The following SNX8 variants were observed in gnomAD, a reference collection of about 807,000 sequenced individuals.
The protein encoded by SNX8 is sorting nexin-8.
SNX8 carries 25 observed loss-of-function variants against 51.6 expected under a neutral mutation model. The observed-to-expected ratio is 0.48, with a 90% CI of 0.35 to 0.68. The LOEUF is 0.68. SNX8 is among the 30% of genes least tolerant of loss of function. The probability of loss-of-function intolerance (pLI) is 0.00; values close to 1 mark genes in which losing one functional copy is unlikely to be tolerated. For synonymous variants in SNX8, 324 were observed against 277.0 expected (o/e 1.17, Z -1.68); for missense variants, 695 against 624.0 (o/e 1.11, Z -1.21).
chr7:2,258,639 G>C (rs1795257218), intron 7 of SNX8, among the ~76,000 whole-genome samples: 1 of 152,206 alleles, frequency 6.6e-6, no homozygotes, highest in Non-Finnish European at 1.5e-5. Flanking sequence ...AGGGGGCACA[G>C]GGAAGGGGGC....
chr7:2,261,044 G>A (rs1795322694), intron 7 of SNX8, among the ~76,000 whole-genome samples: 1 of 152,244 alleles, frequency 6.6e-6, no homozygotes, highest in South Asian at 2.1e-4. Flanking sequence ...TGCTGAAGAG[G>A]GAGTGGAATG....
chr7:2,303,678 C>A (rs1796470813), intron 1 of SNX8, among the ~76,000 whole-genome samples: 2 of 152,156 alleles, frequency 1.3e-5, no homozygotes, highest in Admixed American at 1.3e-4. Context: ...CTCTCTGAAA[C>A]ATGTGCTGTG....
intron 1 of SNX8, among the ~76,000 whole-genome samples, chr7:2,337,688 A>G (rs1480748032): frequency 6.6e-6 from 1 of 152,082 alleles, no homozygotes; most frequent in Non-Finnish European, 1.5e-5. Flanking sequence ...AGAAAACATG[A>G]AAGATTGAGA....
At position 2,334,869 on chromosome 7, in the gene SNX8, GAAAAAAAAAAAAA is replaced by G. The variant is rs71023399; in HGVS notation, c.-66+19340_-66+19352del. Among the ~76,000 whole-genome samples, 8 of 80,106 alleles carry G rather than the reference GAAAAAAAAAAAAA, an allele frequency of 1.0e-4. No individual in the cohort carries two copies. The East Asian group carries it at 1.3e-3, about 13-fold the overall frequency. 52.6% of individuals were successfully genotyped at this position (80,106 alleles called of 152,430 possible). On this transcript the variant is annotated intron_variant, in intron 1 of 5. Transcript: ENST00000435336. ...GGCAACAGAGTAAGAGCCCATCTCT[GAAAAAAAAAAAAA>G]AAAAAAAAAAAAAAAGACTTGTTCA...
chr7:2,272,061 G>GTGGCAGAGGGCCCAGCGGC, intron 3 of SNX8, 90 bp from the exon 4 acceptor site: 5 of 1,555,172 alleles, frequency 3.2e-6, no homozygotes, highest in African/African-American at 2.7e-5. Context: ...CTCCCTAGAG[G>GTGGCAGAGGGCCCAGCGGC]TGGCAGAGGG....
chr7:2,297,365 AC>A (rs1320650763), intron 1 of SNX8, among the ~76,000 whole-genome samples: 1 of 151,668 alleles, frequency 6.6e-6, no homozygotes, highest in Non-Finnish European at 1.5e-5. Context: ...AGCCTGGCCA[AC>A]ATGGTGAAAC....
chr7:2,311,265 C>T (rs1796652471), intron 1 of SNX8, among the ~76,000 whole-genome samples: 1 of 152,198 alleles, frequency 6.6e-6, no homozygotes, highest in Non-Finnish European at 1.5e-5. Flanking sequence ...AGAGGAAATT[C>T]ACTGTATACC....
upstream of SNX8, among the ~76,000 whole-genome samples, chr7:2,316,004 C>G (rs549743546): frequency 1.3e-5 from 2 of 150,444 alleles, no homozygotes; most frequent in Non-Finnish European, 3.0e-5. Context: ...CTCACTGCAT[C>G]CTGCATTCAT....
chr7:2,272,307 C>T (rs1795667846), intron 3 of SNX8, among the ~76,000 whole-genome samples: 1 of 152,190 alleles, frequency 6.6e-6, no homozygotes, highest in Admixed American at 6.5e-5. Context: ...TAATCCCCTC[C>T]TGGCACTTCT....
chr7:2,286,081 G>T (rs574352513), intron 1 of SNX8, among the ~76,000 whole-genome samples: 1 of 150,166 alleles, frequency 6.7e-6, no homozygotes, highest in Non-Finnish European at 1.5e-5. Flanking sequence ...GCGCTATCTC[G>T]GCTCACTGCA....
intron 1 of SNX8, among the ~76,000 whole-genome samples, chr7:2,333,011 A>G (rs1778767162): frequency 6.6e-6 from 1 of 152,040 alleles, no homozygotes; most frequent in Non-Finnish European, 1.5e-5. Context: ...GGCTACACCT[A>G]TAGTCCCAAC....
chr7:2,350,276 A>G lies in SNX8; in HGVS notation c.-66+3946T>C, dbSNP rs370663384. ...AGACGTTGAGGCTCTCTTGATAGCA[A>G]GGGAGGGGTTAGTCTCGGCCCAGTC... is the stretch of plus-strand genomic sequence containing the variant. On this transcript the variant is annotated intron_variant, in intron 1 of 5. Transcript: ENST00000435336. Among the ~76,000 whole-genome samples, 117 of 152,290 alleles carry G rather than the reference A, an allele frequency of 7.7e-4. 4 individuals are homozygous for G. In the South Asian group the frequency reaches 0.024, roughly 31 times the overall value.
intron 10 of SNX8, among the ~76,000 whole-genome samples, chr7:2,255,637 G>A (rs1795159421): frequency 6.6e-6 from 1 of 152,248 alleles, no homozygotes; most frequent in African/African-American, 2.4e-5. Flanking sequence ...TACTCGGGAG[G>A]TTGAGGCTGC....
At chr7:2,316,407 A>G (rs1403594217), upstream of SNX8, among the ~76,000 whole-genome samples, 1 of 145,196 alleles carries the variant, frequency 6.9e-6, no homozygotes. Context: ...TCACGCAACC[A>G]CTCACTCACT....
chr7:2,314,680 T>G (rs1474162083), upstream of SNX8, among the ~76,000 whole-genome samples: 1 of 152,132 alleles, frequency 6.6e-6, no homozygotes, highest in Admixed American at 6.5e-5. Flanking sequence ...TCCCCTCAGG[T>G]TGGACCTCCG....
chr7:2,322,933 C>A (rs1778555194), intron 1 of SNX8, among the ~76,000 whole-genome samples: 1 of 151,948 alleles, frequency 6.6e-6, no homozygotes. Flanking sequence ...AAGAGAATTA[C>A]TTGAACCTGG....
chr7:2,349,095 T>G (rs1264527978), intron 1 of SNX8, among the ~76,000 whole-genome samples: 1 of 149,884 alleles, frequency 6.7e-6, no homozygotes, highest in Admixed American at 6.7e-5. Context: ...TACCAGCTAC[T>G]CAGGAGGCTG....
chr7:2,263,599 A>C (rs1336681967), intron 6 of SNX8, among the ~76,000 whole-genome samples: 1 of 152,148 alleles, frequency 6.6e-6, no homozygotes. Context: ...CCCAGGTGAC[A>C]TGTGTGCACA....
chr7:2,271,965 C>T lies in SNX8; in HGVS notation c.425G>A (p.Arg142Lys), dbSNP rs1795657285. 1.2e-6 allele frequency: 2 copies of T among 1,613,926 alleles called. No individual in the cohort carries two copies. The highest frequency in any genetic ancestry group is 1.7e-6 in the Non-Finnish European group (2 of 1,180,000). ...TCTCCTCCTGGCCTCGATGAACTCC[C>T]TGTCAGCTGGAGGAGCACACGGGGT... ...LPPKRMLGAD[R>K]EFIEARRRAL... is the part of the protein sequence containing the mutation. Residue 142 changes from arginine (R) to lysine (K), a missense_variant, in exon 4 of 11, where the codon AGG becomes AAG. By Grantham distance (26) the Arg-to-Lys change is conservative. Transcript: ENST00000222990.
Sources: allele counts gnomAD v4.1 joint callset (sites outside exome capture counted in the v4.1 genomes callset), GRCh38; gene constraint gnomAD v4.1.1; transcripts MANE v1.5; gene names NCBI Gene and HGNC (gene_info 2026-07-23, HGNC 2026-07-21).